The following LRRC28 variants were observed in gnomAD, a reference collection of about 807,000 sequenced individuals.
The protein encoded by LRRC28 is leucine-rich repeat-containing protein 28.
A neutral mutation model predicts 45.7 loss-of-function variants in LRRC28; 39 were observed. The ratio of observed to expected loss-of-function variants is 0.85; its 90% confidence interval spans 0.66 to 1.12. The LOEUF (loss-of-function observed/expected upper bound fraction) is 1.12, where lower values mean the gene tolerates loss of function less well. LRRC28 is among the 50% of genes most tolerant of loss of function. LRRC28 has a pLI of 0.00. For synonymous variants in LRRC28, 206 were observed against 178.8 expected (o/e 1.15, Z -1.22); for missense variants, 435 against 438.5 (o/e 0.99, Z 0.07).
At chr15:99,281,606 G>A (rs1467193360) in intron 3 of LRRC28, among the ~76,000 whole-genome samples, 3 of 152,064 alleles carry the variant, frequency 2.0e-5, no homozygotes, top group African/African-American at 4.8e-5. Flanking sequence ...CTGGTTATGG[G>A]TCATATTTTC....
At chr15:99,375,888 G>A (rs1420907237) in intron 9 of LRRC28, among the ~76,000 whole-genome samples, 2 of 151,752 alleles carry the variant, frequency 1.3e-5, no homozygotes, top group East Asian at 1.9e-4. Flanking sequence ...CAGTTTTATT[G>A]TTATTCATAA....
At chr15:99,298,370 A>G (rs538260820) in intron 5 of LRRC28, among the ~76,000 whole-genome samples, 1 of 152,318 alleles carries the variant, frequency 6.6e-6, no homozygotes, top group East Asian at 1.9e-4. Flanking sequence ...TGAGAGCAGT[A>G]TGCAGGAGCA....
intron 9 of LRRC28, among the ~76,000 whole-genome samples, chr15:99,370,888 G>T (rs923234839): frequency 6.6e-6 from 1 of 152,246 alleles, no homozygotes; most frequent in East Asian, 1.9e-4. Flanking sequence ...AGTAACAGTG[G>T]TTTCCTTTGA....
intron 9 of LRRC28, among the ~76,000 whole-genome samples, chr15:99,378,082 A>G (rs1482894430): frequency 6.6e-6 from 1 of 152,210 alleles, no homozygotes; most frequent in Non-Finnish European, 1.5e-5. Flanking sequence ...CTGTGAAGAA[A>G]GTCATTGGTA....
At chr15:99,384,219 T>C (rs1957915622) in intron 9 of LRRC28, 1 of 152,190 alleles carries the variant, frequency 6.6e-6, no homozygotes, top group Admixed American at 6.5e-5. Flanking sequence ...GGGGAAGCCA[T>C]TGAAACATTT....
intron 2 of LRRC28, among the ~76,000 whole-genome samples, chr15:99,269,577 T>G (rs2081420118): frequency 6.6e-6 from 1 of 152,194 alleles, no homozygotes; most frequent in Non-Finnish European, 1.5e-5. Context: ...CTAATTTTTG[T>G]GTTTTTAGTA....
At chr15:99,371,239 C>G (rs949055505) in intron 9 of LRRC28, among the ~76,000 whole-genome samples, 3 of 152,200 alleles carry the variant, frequency 2.0e-5, no homozygotes, top group Non-Finnish European at 4.4e-5. Context: ...CTTCGAACAT[C>G]TACTGCCAGC....
At chr15:99,354,187 T>G (rs1184250117) in intron 7 of LRRC28, among the ~76,000 whole-genome samples, 2 of 152,196 alleles carry the variant, frequency 1.3e-5, no homozygotes, top group Admixed American at 6.5e-5. Flanking sequence ...CTCGAAATGC[T>G]TTCTTCATAG....
chr15:99,321,311 A>C (rs186925369), intron 5 of LRRC28, among the ~76,000 whole-genome samples: 1 of 152,190 alleles, frequency 6.6e-6, no homozygotes, highest in Non-Finnish European at 1.5e-5. Context: ...CCTGCTGAAA[A>C]TTTAGTTATG....
At chr15:99,289,876 T>G (rs1280732560) in intron 5 of LRRC28, among the ~76,000 whole-genome samples, 1 of 133,290 alleles carries the variant, frequency 7.5e-6, no homozygotes, top group East Asian at 2.2e-4. Flanking sequence ...GAGCTTGCAG[T>G]GAGCCGAGAT....
At chr15:99,349,315 T>C (rs570147970) in intron 6 of LRRC28, among the ~76,000 whole-genome samples, 1 of 152,092 alleles carries the variant, frequency 6.6e-6, no homozygotes, top group Non-Finnish European at 1.5e-5. Flanking sequence ...TGTACTGGAG[T>C]AAAAATGGAC....
intron 9 of LRRC28, among the ~76,000 whole-genome samples, chr15:99,366,873 C>T (rs1418078379): frequency 6.9e-6 from 1 of 144,080 alleles, no homozygotes; most frequent in Non-Finnish European, 1.5e-5. Flanking sequence ...GCGTTCTGGC[C>T]CCACTGAGAT....
At chr15:99,270,654 C>T (rs1197469164) in intron 2 of LRRC28, among the ~76,000 whole-genome samples, 1 of 152,054 alleles carries the variant, frequency 6.6e-6, no homozygotes, top group Non-Finnish European at 1.5e-5. Context: ...ATGGCTATAC[C>T]ACCATTTGTT....
chr15:99,366,998 C>G (rs1303173830), intron 9 of LRRC28, among the ~76,000 whole-genome samples: 1 of 152,190 alleles, frequency 6.6e-6, no homozygotes, highest in African/African-American at 2.4e-5. Context: ...AGCAACCAGT[C>G]AGTCAGTTCT....
intron 5 of LRRC28, among the ~76,000 whole-genome samples, chr15:99,330,242 G>A (rs988815052): frequency 6.6e-6 from 1 of 152,004 alleles, no homozygotes; most frequent in Non-Finnish European, 1.5e-5. Context: ...TAGGATTTTG[G>A]CCCAAGCCCA....
intron 2 of LRRC28, among the ~76,000 whole-genome samples, chr15:99,267,285 G>C (rs1394663527): frequency 2.0e-5 from 3 of 152,130 alleles, no homozygotes; most frequent in Non-Finnish European, 4.4e-5. Flanking sequence ...CCTTGAATTT[G>C]GTAGTAGTAG....
At chr15:99,275,476 G>T (rs184858030) in intron 2 of LRRC28, among the ~76,000 whole-genome samples, 1 of 152,242 alleles carries the variant, frequency 6.6e-6, no homozygotes, top group Non-Finnish European at 1.5e-5. Context: ...GTACCTGGGG[G>T]CCCTGCAGAT....
At chr15:99,260,203 A>G (rs1293410996) in intron 2 of LRRC28, among the ~76,000 whole-genome samples, 1 of 152,156 alleles carries the variant, frequency 6.6e-6, no homozygotes, top group Non-Finnish European at 1.5e-5. Context: ...AACATACCTC[A>G]TGAATGTAAA....
chr15:99,331,108 G>A (rs972628464), intron 5 of LRRC28, among the ~76,000 whole-genome samples: 3 of 151,614 alleles, frequency 2.0e-5, no homozygotes, highest in African/African-American at 4.8e-5. Flanking sequence ...TTACAATAAC[G>A]CAAAAAAAGT....
Sources: allele counts gnomAD v4.1 joint callset (sites outside exome capture counted in the v4.1 genomes callset), GRCh38; gene constraint gnomAD v4.1.1; transcripts MANE v1.5; gene names NCBI Gene and HGNC (gene_info 2026-07-23, HGNC 2026-07-21).